Variants in NDUFAB1 observed in about 807,000 individuals in gnomAD.
NDUFAB1 encodes NADH:ubiquinone oxidoreductase subunit AB1.
NDUFAB1 carries 5 observed loss-of-function variants against 16.1 expected under a neutral mutation model. The ratio of observed to expected loss-of-function variants is 0.31; its 90% CI spans 0.16 to 0.65. The LOEUF (loss-of-function observed/expected upper bound fraction) is 0.65. NDUFAB1 is among the 30% of genes least tolerant of loss of function. NDUFAB1 has a pLI of 0.77. For synonymous variants in NDUFAB1, 85 were observed against 78.4 expected (o/e 1.08, Z -0.44); for missense variants, 187 against 205.3 (o/e 0.91, Z 0.54).
Position 23,586,386 on chromosome 16 carries a change from T to C in NDUFAB1, c.291+811A>G, listed in dbSNP as rs559101127. Among the ~76,000 whole-genome samples the C allele has an allele frequency of 1.7e-3, 263 of 150,452 alleles. 2 individuals carry two copies. The highest frequency in any genetic ancestry group is 6.3e-3 in the African/African-American group (258 of 40,984). On this transcript the variant is annotated intron_variant, in intron 2 of 4. Transcript: ENST00000007516. ...TTTCACCCTGTCATCCAGGCTGCAG[T>C]GTGCAGTGGCATGATCTCGGCTCAC...
chr16:23,595,674 A>G (rs1401530080), intron 1 of NDUFAB1: 1 of 459,638 alleles, frequency 2.2e-6, no homozygotes, highest in Non-Finnish European at 4.4e-6. Context: ...TGCAGAGAGA[A>G]AACCGCTCTG....
chr16:23,595,146 G>A (rs1032270089), intron 1 of NDUFAB1, among the ~76,000 whole-genome samples: 9 of 152,186 alleles, frequency 5.9e-5, no homozygotes, highest in Non-Finnish European at 1.0e-4. Context: ...AAATACTCGG[G>A]GGGGCTGAGG....
intron 2 of NDUFAB1, 80 bp downstream of exon 2, chr16:23,587,117 G>GT: frequency 7.1e-7 from 1 of 1,413,684 alleles, no homozygotes; most frequent in Non-Finnish European, 9.8e-7. Context: ...TTTTTACTGA[G>GT]TATCTTTCCC....
At chr16:23,589,961 A>G (rs1015351818) in intron 1 of NDUFAB1, among the ~76,000 whole-genome samples, 45 of 149,302 alleles carry the variant, frequency 3.0e-4, no homozygotes, top group African/African-American at 1.0e-3. Context: ...AAAAAAAAAA[A>G]AAAAGAAATG....
Position 23,582,290 on chromosome 16 carries a change from A to G in NDUFAB1, c.465T>C (p.Tyr155=). The change falls in exon 4 of 5, where the codon TAT becomes TAC. Residue 155 remains tyrosine, a synonymous_variant. Coordinates refer to ENST00000007516, the MANE Select transcript of NDUFAB1 (RefSeq NM_005003.3). ...AGTCTATTTACCTGATACTTTATTCATATACATCCTTCTTATCTGCAATGT... is the reference window on the plus strand; with the variant it reads ...AGTCTATTTACCTGATACTTTATTCGTATACATCCTTCTTATCTGCAATGT... ...VDYIADKKDV[Y]E is the part of the protein sequence containing the mutation. The G allele has an allele frequency of 6.5e-7, 1 of 1,544,752 alleles. No individual in the cohort carries two copies. The highest frequency in any genetic ancestry group is 1.4e-5 in the African/African-American group (1 of 72,198).
intron 1 of NDUFAB1, among the ~76,000 whole-genome samples, chr16:23,589,998 G>A (rs1237666970): frequency 4.7e-5 from 7 of 149,214 alleles, no homozygotes; most frequent in African/African-American, 9.9e-5. Context: ...GGTGGCTCAC[G>A]CCTGTAATCC....
Position 23,587,245 on chromosome 16 carries a change from G to A in NDUFAB1, c.243C>T (p.Asp81=), listed in dbSNP as rs1448603911. The A allele has an allele frequency of 1.5e-5, 25 of 1,613,908 alleles. No individual in the cohort carries two copies. Among genetic ancestry groups the A allele is most frequent in the Non-Finnish European group, 1.9e-5 (23 of 1,179,966 alleles). ...AGAGTTTCAATACGTAAAGAACACG[G>A]TCCTGGATGCCCTCTAACGTCAAAG... The part of the protein sequence containing the change: ...MPPLTLEGIQ[D]RVLYVLKLYD... The change falls in exon 2 of 5, where the codon GAC becomes GAT. Residue 81 remains aspartate (D), a synonymous_variant. Transcript: ENST00000007516.
At chr16:23,594,631 C>A (rs1252098061) in intron 1 of NDUFAB1, among the ~76,000 whole-genome samples, 1 of 152,068 alleles carries the variant, frequency 6.6e-6, no homozygotes, top group African/African-American at 2.4e-5. Context: ...GGATTACAGG[C>A]ATAAGCCACC....
At chr16:23,588,738 G>A (rs992324071) in intron 1 of NDUFAB1, among the ~76,000 whole-genome samples, 3 of 152,308 alleles carry the variant, frequency 2.0e-5, no homozygotes, top group East Asian at 3.9e-4. Context: ...AGCACTTTGG[G>A]AGGCCGAGGT....
intron 3 of NDUFAB1, among the ~76,000 whole-genome samples, chr16:23,584,807 T>C (rs1286346373): frequency 2.0e-5 from 3 of 152,220 alleles, no homozygotes; most frequent in Non-Finnish European, 2.9e-5. Flanking sequence ...TTTGATTTCC[T>C]ATTCAGCCAA....
rs1315117906 is a variant in NDUFAB1, at chr16:23,595,572, T to C, written c.168+551A>G. On this transcript the variant is annotated intron_variant, in intron 1 of 4. Coordinates refer to ENST00000007516, the MANE Select transcript of NDUFAB1 (RefSeq NM_005003.3). The stretch of plus-strand genomic sequence containing the variant: ...GGACCCGCGCAATTCAAATCCTTAT[T>C]GGTCAAAGGTCACTTGGCTTGTTTC... 3 of 455,994 alleles carry C rather than the reference T, an allele frequency of 6.6e-6. No homozygotes were observed. In the Admixed American group the frequency reaches 7.1e-5, roughly 11 times the overall value. 28.2% of individuals were successfully genotyped at this position (455,994 alleles called of 1,614,324 possible). A position where few individuals can be genotyped will look rare whatever the true frequency, so the allele number is the denominator to read the frequency against.
At chr16:23,581,931 T>C (rs113843557) in intron 4 of NDUFAB1, 2,064 of 160,296 alleles carry the variant, frequency 0.013, 21 homozygotes, top group South Asian at 0.019. Context: ...GCCAGGTCAC[T>C]TCAGTGTCTT....
At chr16:23,593,189 CTCAGGAAGCTGAGGCA>C (rs1966294584) in intron 1 of NDUFAB1, among the ~76,000 whole-genome samples, 1 of 152,154 alleles carries the variant, frequency 6.6e-6, no homozygotes, top group African/African-American at 2.4e-5. Context: ...GTCCCAGCTA[CTCAGGAAGCTGAGGCA>C]GGAGGACCAT....
rs1424702218 is a variant in NDUFAB1 at position 23,594,024 on chromosome 16, G to A, written c.168+2099C>T. On this transcript the variant is annotated intron_variant, in intron 1 of 4. Coordinates refer to ENST00000007516, the MANE Select transcript of NDUFAB1 (RefSeq NM_005003.3). ...GCCTCCCGAGTAGCTGGGACTACAG[G>A]CGCCCGCCACCACGCCCGGCTAATT... Among the ~76,000 whole-genome samples the A allele has an allele frequency of 2.0e-5, 3 of 151,916 alleles. 1 individual carries two copies.
intron 1 of NDUFAB1, chr16:23,591,211 CATGTG>C (rs371553839): frequency 1.2e-3 from 189 of 152,210 alleles, no homozygotes; most frequent in African/African-American, 4.4e-3. Context: ...CAACAGCCAA[CATGTG>C]ATGTTTCTGG....
At position 23,596,303 on chromosome 16, in the gene NDUFAB1, C is replaced by G; in HGVS notation, c.-13G>C. The G allele has an allele frequency of 6.5e-7, 1 of 1,538,296 alleles. No individual in the cohort carries two copies. Among genetic ancestry groups the G allele is most frequent in the South Asian group, 1.2e-5 (1 of 83,092 alleles). Reference sequence around the variant, plus strand: ...CACGAGACGCCATGGCTACGCCAACCCAGGATGCACTGCGCCGCCGCCTCC... The same window carrying G: ...CACGAGACGCCATGGCTACGCCAACGCAGGATGCACTGCGCCGCCGCCTCC... On this transcript the variant is annotated 5_prime_UTR_variant, in exon 1 of 5. Coordinates refer to ENST00000007516, the MANE Select transcript of NDUFAB1 (RefSeq NM_005003.3).
chr16:23,587,135 T>C (rs529437549), intron 2 of NDUFAB1, 62 bp downstream of exon 2: 3 of 1,515,916 alleles, frequency 2.0e-6, no homozygotes, highest in South Asian at 1.2e-5. Flanking sequence ...CCCTTTGCAT[T>C]TTCTAGCATG....
intron 1 of NDUFAB1, among the ~76,000 whole-genome samples, chr16:23,591,962 C>T (rs543603790): frequency 4.6e-5 from 7 of 152,312 alleles, no homozygotes; most frequent in African/African-American, 1.7e-4. Flanking sequence ...ACACAACCTT[C>T]CCCCAAAAGA....
intron 1 of NDUFAB1, among the ~76,000 whole-genome samples, chr16:23,589,507 A>G (rs1055917963): frequency 6.6e-6 from 1 of 152,188 alleles, no homozygotes; most frequent in Non-Finnish European, 1.5e-5. Context: ...AATGACTCAA[A>G]TAGGTTTCCA....
Sources: allele counts gnomAD v4.1 joint callset (sites outside exome capture counted in the v4.1 genomes callset), GRCh38; gene constraint gnomAD v4.1.1; transcripts MANE v1.5; gene names NCBI Gene and HGNC (gene_info 2026-07-23, HGNC 2026-07-21).